Variants in ELMO1 observed in about 807,000 individuals in gnomAD.
ELMO1 encodes engulfment and cell motility 1.
ELMO1 carries 26 observed loss-of-function variants against 98.9 expected under a neutral mutation model. The observed-to-expected ratio is 0.26, with a 90% CI of 0.19 to 0.36. The LOEUF (loss-of-function observed/expected upper bound fraction) is 0.36. Among genes scored for constraint, ELMO1 ranks in the 10% least tolerant of loss-of-function variants. The pLI is 1.00. For synonymous variants in ELMO1, 346 were observed against 346.0 expected (o/e 1.00, Z 0.00); for missense variants, 627 against 935.2 (o/e 0.67, Z 4.30).
chr7:37,157,823 C>G (rs1350200410), intron 13 of ELMO1, among the ~76,000 whole-genome samples: 1 of 152,060 alleles, frequency 6.6e-6, no homozygotes, highest in African/African-American at 2.4e-5. Context: ...TCATATGGAA[C>G]CAAAAAAGAG....
chr7:37,380,029 A>C (rs183208190), intron 1 of ELMO1, among the ~76,000 whole-genome samples: 2 of 152,298 alleles, frequency 1.3e-5, no homozygotes, highest in Admixed American at 1.3e-4. Context: ...ATGCACTTGG[A>C]TCCTCTCATG....
At chr7:36,999,409 C>A (rs1030623377) in intron 16 of ELMO1, among the ~76,000 whole-genome samples, 7 of 152,208 alleles carry the variant, frequency 4.6e-5, no homozygotes, top group Non-Finnish European at 1.0e-4. Context: ...CCATGACGAT[C>A]AGTCTCTAGA....
chr7:36,884,350 C>G (rs189293604), intron 18 of ELMO1, among the ~76,000 whole-genome samples: 1 of 151,798 alleles, frequency 6.6e-6, no homozygotes, highest in Non-Finnish European at 1.5e-5. Flanking sequence ...TGAGGCGCTA[C>G]GAGCTAAAAT....
At chr7:37,081,785 T>C (rs1797878878) in intron 15 of ELMO1, among the ~76,000 whole-genome samples, 1 of 152,138 alleles carries the variant, frequency 6.6e-6, no homozygotes, top group South Asian at 2.1e-4. Context: ...AATGGACTAA[T>C]ACGATGTGCA....
chr7:37,090,228 G>T (rs1784005006), intron 15 of ELMO1, among the ~76,000 whole-genome samples: 1 of 152,184 alleles, frequency 6.6e-6, no homozygotes, highest in Admixed American at 6.5e-5. Context: ...TCCTTGGCAG[G>T]ACATTTTGAG....
At chr7:37,077,703 T>C (rs1211957015) in intron 15 of ELMO1, among the ~76,000 whole-genome samples, 1 of 152,152 alleles carries the variant, frequency 6.6e-6, no homozygotes, top group African/African-American at 2.4e-5. Context: ...TGACTGAAGA[T>C]GGCAGCAAGT....
At chr7:36,891,598 G>A (rs1280848036) in intron 17 of ELMO1, among the ~76,000 whole-genome samples, 1 of 152,044 alleles carries the variant, frequency 6.6e-6, no homozygotes, top group Non-Finnish European at 1.5e-5. Flanking sequence ...TTCTGGTTAC[G>A]GGCTAATAAG....
chr7:36,887,741 G>T, intron 17 of ELMO1, 69 bp from the exon 18 acceptor site: 1 of 1,377,574 alleles, frequency 7.3e-7, no homozygotes, highest in Non-Finnish European at 1.0e-6. Context: ...TGGGCATCAT[G>T]GGCATACGGG....
chr7:37,170,156 C>T (rs989166586), intron 13 of ELMO1, among the ~76,000 whole-genome samples: 2 of 152,190 alleles, frequency 1.3e-5, no homozygotes, highest in African/African-American at 2.4e-5. Context: ...CCACTCACCT[C>T]GGCCTCCCAA....
intron 15 of ELMO1, among the ~76,000 whole-genome samples, chr7:37,092,024 T>C (rs1232135524): frequency 1.3e-5 from 2 of 152,138 alleles, no homozygotes; most frequent in African/African-American, 4.8e-5. Flanking sequence ...AGCCAAACCA[T>C]ATCATCCCTC....
Position 37,321,716 on chromosome 7 carries a change from C to CAAAAAAAA in ELMO1, c.79-5764_79-5757dup, listed in dbSNP as rs565421716. Among the ~76,000 whole-genome samples, 245 of 66,020 alleles carry CAAAAAAAA rather than the reference C, an allele frequency of 3.7e-3. 14 individuals are homozygous for CAAAAAAAA. Among genetic ancestry groups the CAAAAAAAA allele is most frequent in the African/African-American group, 0.012 (153 of 12,398 alleles). The allele number at this position is 66,020 out of a possible 152,430, so 43.3% of individuals were successfully genotyped here. A position where few individuals can be genotyped will look rare whatever the true frequency, so the allele number is the denominator to read the frequency against. On this transcript the variant is annotated intron_variant, in intron 2 of 21. Transcript: ENST00000310758. Reference sequence around the variant, plus strand: ...TGGGCAACAGAGCGAGACTCCGTCTCAAAAAAAAAAAAAAAAAAAAAACAC... The same window carrying CAAAAAAAA: ...TGGGCAACAGAGCGAGACTCCGTCTCAAAAAAAAAAAAAAAAAAAAAAAAAAAAAACAC...
At chr7:37,361,248 C>T (rs1018159769) in intron 1 of ELMO1, among the ~76,000 whole-genome samples, 1 of 152,156 alleles carries the variant, frequency 6.6e-6, no homozygotes, top group East Asian at 1.9e-4. Flanking sequence ...CTCAAATGTC[C>T]ATCAATCGAT....
intron 1 of ELMO1, among the ~76,000 whole-genome samples, chr7:37,399,916 C>T (rs1444018480): frequency 2.0e-5 from 3 of 152,118 alleles, no homozygotes; most frequent in Admixed American, 2.0e-4. Context: ...TTATCTGGCA[C>T]AAAAATGCAT....
At chr7:36,962,318 T>C (rs1462926000) in intron 16 of ELMO1, among the ~76,000 whole-genome samples, 1 of 152,210 alleles carries the variant, frequency 6.6e-6, no homozygotes, top group Non-Finnish European at 1.5e-5. Context: ...GCTGAGGAGT[T>C]TGAAGTGTAT....
chr7:37,072,811 T>C (rs974313370), intron 15 of ELMO1, among the ~76,000 whole-genome samples: 1 of 152,124 alleles, frequency 6.6e-6, no homozygotes, highest in Non-Finnish European at 1.5e-5. Context: ...AACCAACCAT[T>C]TGGACACACA....
chr7:37,021,778 A>G (rs893809133), intron 15 of ELMO1, among the ~76,000 whole-genome samples: 6 of 152,240 alleles, frequency 3.9e-5, no homozygotes, highest in Admixed American at 2.6e-4. Context: ...AAAGAACTCA[A>G]TACATGTCAG....
At chr7:37,014,917 T>C (rs1473272514) in intron 15 of ELMO1, among the ~76,000 whole-genome samples, 2 of 151,954 alleles carry the variant, frequency 1.3e-5, no homozygotes, top group African/African-American at 4.8e-5. Context: ...CTTAGAATCC[T>C]ATAGAGCAGG....
At chr7:37,053,027 T>C (rs1796193911) in intron 15 of ELMO1, among the ~76,000 whole-genome samples, 1 of 152,204 alleles carries the variant, frequency 6.6e-6, no homozygotes, top group Non-Finnish European at 1.5e-5. Context: ...TCTCTGCTTT[T>C]ATATCCCTGA....
intron 13 of ELMO1, among the ~76,000 whole-genome samples, chr7:37,163,362 CTTTAAGT>C (rs1293418002): frequency 6.7e-6 from 1 of 150,274 alleles, no homozygotes; most frequent in Non-Finnish European, 1.5e-5. Flanking sequence ...TATTATTATA[CTTTAAGT>C]TTTAGGGTAC....
Sources: gnomAD v4.1 joint callset for allele counts (sites outside exome capture counted in the v4.1 genomes callset) on GRCh38, gnomAD v4.1.1 for gene constraint, MANE v1.5 for transcripts, NCBI Gene and HGNC (gene_info 2026-07-23, HGNC 2026-07-21) for gene names.